Variants in NECAB1 observed in about 807,000 individuals in gnomAD.
NECAB1 encodes N-terminal EF-hand calcium-binding protein 1.
NECAB1 carries 29 observed loss-of-function variants against 57.5 expected under a neutral mutation model. That is an observed-to-expected ratio of 0.50 (90% CI 0.38 to 0.69). The LOEUF is 0.69. Ranked by LOEUF, NECAB1 falls within the 30% of genes least tolerant of loss-of-function variation. The pLI is 0.00. For synonymous variants in NECAB1, 142 were observed against 147.7 expected (o/e 0.96, Z 0.28); for missense variants, 372 against 413.8 (o/e 0.90, Z 0.88).
At chr8:90,796,756 T>C (rs1290652366) in intron 1 of NECAB1, among the ~76,000 whole-genome samples, 1 of 152,198 alleles carries the variant, frequency 6.6e-6, no homozygotes. Context: ...ATGAACTTGA[T>C]TCTCATCCGG....
chr8:90,912,860 A>G (rs1809861440), intron 5 of NECAB1, among the ~76,000 whole-genome samples: 1 of 152,226 alleles, frequency 6.6e-6, no homozygotes, highest in East Asian at 1.9e-4. Flanking sequence ...AGAGCAAAAG[A>G]CAACCTTATC....
chr8:90,889,291 A>C (rs1809091391), intron 5 of NECAB1, among the ~76,000 whole-genome samples: 1 of 152,200 alleles, frequency 6.6e-6, no homozygotes, highest in African/African-American at 2.4e-5. Context: ...GTGTAACAGG[A>C]AACGAAGACA....
At chr8:90,835,510 C>T (rs1232926072) in intron 3 of NECAB1, among the ~76,000 whole-genome samples, 4 of 151,490 alleles carry the variant, frequency 2.6e-5, no homozygotes, top group Admixed American at 6.6e-5. Context: ...ACCCATTTTG[C>T]GGAATTTAGG....
At chr8:90,822,841 G>A (rs989985785) in intron 2 of NECAB1, among the ~76,000 whole-genome samples, 1 of 150,020 alleles carries the variant, frequency 6.7e-6, no homozygotes, top group African/African-American at 2.5e-5. Flanking sequence ...ATAGCAGGTC[G>A]ATTTCTGTTT....
chr8:90,850,465 G>C (rs529987838), intron 3 of NECAB1, among the ~76,000 whole-genome samples: 1 of 152,202 alleles, frequency 6.6e-6, no homozygotes, highest in African/African-American at 2.4e-5. Flanking sequence ...TGTCAGAGAG[G>C]CCTGGGGAAC....
intron 2 of NECAB1, among the ~76,000 whole-genome samples, chr8:90,824,010 C>T (rs1419111304): frequency 7.2e-6 from 1 of 139,224 alleles, no homozygotes; most frequent in African/African-American, 2.7e-5. Flanking sequence ...TACTAAAACC[C>T]CTCAGGCCCT....
At chr8:90,893,556 G>C (rs759346096) in intron 5 of NECAB1, among the ~76,000 whole-genome samples, 1 of 152,168 alleles carries the variant, frequency 6.6e-6, no homozygotes, top group Non-Finnish European at 1.5e-5. Flanking sequence ...CAAGGGACTA[G>C]GGAGAACGTG....
chr8:90,859,437 G>C (rs1812855233), intron 3 of NECAB1, among the ~76,000 whole-genome samples: 1 of 152,182 alleles, frequency 6.6e-6, no homozygotes, highest in Non-Finnish European at 1.5e-5. Flanking sequence ...GAGTTTTGTA[G>C]AGTGGGGAAA....
chr8:90,931,734 T>A (rs1586137147), intron 8 of NECAB1, among the ~76,000 whole-genome samples: 1 of 151,870 alleles, frequency 6.6e-6, no homozygotes, highest in East Asian at 1.9e-4. Context: ...CAAAACCCCA[T>A]CTCTACTAAA....
chr8:90,897,819 C>T (rs965795593), intron 5 of NECAB1, among the ~76,000 whole-genome samples: 6 of 152,028 alleles, frequency 3.9e-5, no homozygotes, highest in East Asian at 1.9e-4. Context: ...AGTGTATTGG[C>T]GTGAAATAAA....
chr8:90,939,317 T>G (rs913173169), intron 9 of NECAB1, among the ~76,000 whole-genome samples: 1 of 152,218 alleles, frequency 6.6e-6, no homozygotes, highest in East Asian at 1.9e-4. Context: ...AATTTGAAAC[T>G]GGTGCACTGT....
At chr8:90,906,876 C>CATATATATATATATATATATAT (rs57808023) in intron 5 of NECAB1, among the ~76,000 whole-genome samples, 3 of 121,758 alleles carry the variant, frequency 2.5e-5, no homozygotes, top group South Asian at 2.7e-4. Context: ...ATGATATACA[C>CATATATATATATATATATATAT]ATATATATAT....
At chr8:90,796,299 G>C (rs1811660195) in intron 1 of NECAB1, among the ~76,000 whole-genome samples, 1 of 152,150 alleles carries the variant, frequency 6.6e-6, no homozygotes, top group African/African-American at 2.4e-5. Flanking sequence ...TAATGGGAGA[G>C]ACTCCTGCCG....
chr8:90,850,920 G>T (rs944822940), intron 3 of NECAB1, among the ~76,000 whole-genome samples: 1 of 152,156 alleles, frequency 6.6e-6, no homozygotes, highest in African/African-American at 2.4e-5. Context: ...AGTCTTGAAG[G>T]ATGGGGGCTG....
chr8:90,847,204 CA>C lies in NECAB1; in HGVS notation c.233+22383del, dbSNP rs764732770. Among the ~76,000 whole-genome samples, 128 of 152,298 alleles carry C rather than the reference CA, an allele frequency of 8.4e-4. 1 individual carries two copies. The highest frequency in any genetic ancestry group is 1.4e-3 in the Non-Finnish European group (94 of 68,032). ...CCCATTTCAAATGGGAGAAATTGGC[CA>C]AAACAAAGGGGCCACAGGCCCCATG... On this transcript the variant is annotated intron_variant, in intron 3 of 12. Coordinates refer to ENST00000417640, the MANE Select transcript of NECAB1 (RefSeq NM_022351.5).
At chr8:90,843,665 C>T (rs969057336) in intron 3 of NECAB1, among the ~76,000 whole-genome samples, 9 of 152,190 alleles carry the variant, frequency 5.9e-5, no homozygotes, top group Admixed American at 2.6e-4. Flanking sequence ...TGCTTCATTT[C>T]GCTTAAACAG....
At chr8:90,813,382 A>C (rs1812001226) in intron 2 of NECAB1, among the ~76,000 whole-genome samples, 2 of 151,912 alleles carry the variant, frequency 1.3e-5, no homozygotes, top group Non-Finnish European at 2.9e-5. Flanking sequence ...TGTTGAGTCT[A>C]TTACTGAGTT....
chr8:90,914,672 AG>A (rs1257048267), intron 5 of NECAB1, among the ~76,000 whole-genome samples: 2 of 152,214 alleles, frequency 1.3e-5, no homozygotes, highest in African/African-American at 4.8e-5. Flanking sequence ...GTGAGATAAG[AG>A]GGTTAGCCTA....
chr8:90,908,669 C>T (rs1809754417), intron 5 of NECAB1, among the ~76,000 whole-genome samples: 1 of 152,076 alleles, frequency 6.6e-6, no homozygotes, highest in Non-Finnish European at 1.5e-5. Context: ...GAAAGCCACA[C>T]AAATCAAATG....
Sources: gnomAD v4.1 joint callset for allele counts (sites outside exome capture counted in the v4.1 genomes callset) on GRCh38, gnomAD v4.1.1 for gene constraint, MANE v1.5 for transcripts, NCBI Gene and HGNC (gene_info 2026-07-23, HGNC 2026-07-21) for gene names.